VSNL1: variants seen among roughly 807,000 people sequenced by gnomAD.
VSNL1 encodes the protein visinin-like protein 1.
A neutral mutation model predicts 20.4 loss-of-function variants in VSNL1; 6 were observed. That is an observed-to-expected ratio of 0.29 (90% CI 0.16 to 0.58). The LOEUF is 0.58. Among genes scored for constraint, VSNL1 ranks in the 20% least tolerant of loss-of-function variants. VSNL1 has a pLI of 0.90. For synonymous variants in VSNL1, 93 were observed against 86.4 expected (o/e 1.08, Z -0.42); for missense variants, 100 against 234.5 (o/e 0.43, Z 3.75).
intron 1 of VSNL1, among the ~76,000 whole-genome samples, chr2:17,557,847 C>A (rs1185997042): frequency 6.6e-5 from 10 of 152,192 alleles, no homozygotes; most frequent in Admixed American, 6.5e-4. Flanking sequence ...AAGAAATTTA[C>A]AAGCACCTGT....
At chr2:17,607,934 A>T (rs1468224487) in intron 2 of VSNL1, among the ~76,000 whole-genome samples, 1 of 152,270 alleles carries the variant, frequency 6.6e-6, no homozygotes, top group Non-Finnish European at 1.5e-5. Flanking sequence ...ACAGAATAAC[A>T]TAACATCCCC....
At chr2:17,543,450 G>C (rs1663338500) in intron 1 of VSNL1, among the ~76,000 whole-genome samples, 1 of 152,186 alleles carries the variant, frequency 6.6e-6, no homozygotes, top group Non-Finnish European at 1.5e-5. Flanking sequence ...CAGAGATTAG[G>C]ACTTCGTGGA....
chr2:17,555,331 T>C (rs964612967), intron 1 of VSNL1, among the ~76,000 whole-genome samples: 9 of 152,024 alleles, frequency 5.9e-5, no homozygotes, highest in African/African-American at 1.9e-4. Context: ...TGCCCAAAAG[T>C]CCATTATTTT....
chr2:17,615,226 C>T (rs927768617), intron 2 of VSNL1, among the ~76,000 whole-genome samples: 11 of 152,206 alleles, frequency 7.2e-5, no homozygotes, highest in Admixed American at 5.2e-4. Context: ...CTCTTCATAG[C>T]GTTTACTTCC....
At chr2:17,637,704 C>T (rs1361709454) in intron 2 of VSNL1, among the ~76,000 whole-genome samples, 1 of 152,212 alleles carries the variant, frequency 6.6e-6, no homozygotes, top group Non-Finnish European at 1.5e-5. Context: ...CAACCCAAAC[C>T]TGCTGAAGCA....
chr2:17,596,315 C>A (rs750477140), intron 2 of VSNL1, among the ~76,000 whole-genome samples: 1 of 152,182 alleles, frequency 6.6e-6, no homozygotes, highest in African/African-American at 2.4e-5. Flanking sequence ...GGGAAGAAAG[C>A]GTTTGAATTT....
intron 2 of VSNL1, among the ~76,000 whole-genome samples, chr2:17,631,736 AGC>A (rs1390330484): frequency 2.6e-5 from 4 of 152,260 alleles, no homozygotes; most frequent in Admixed American, 2.6e-4. Flanking sequence ...ATATATTTAA[AGC>A]CAGTGACCTA....
chr2:17,587,540 C>T (rs114659981), intron 1 of VSNL1, among the ~76,000 whole-genome samples: 1,530 of 152,272 alleles, frequency 0.01, 12 homozygotes, highest in Non-Finnish European at 0.015. Context: ...AATCCTCTGC[C>T]TCTTCTGCTC....
intron 1 of VSNL1, among the ~76,000 whole-genome samples, chr2:17,569,359 T>TA (rs1408696561): frequency 7.9e-5 from 12 of 151,214 alleles, no homozygotes; most frequent in Non-Finnish European, 3.0e-5. Context: ...AATTAAAAAT[T>TA]AAAAAAAATA....
At chr2:17,645,133 A>T (rs1395836968) in intron 2 of VSNL1, among the ~76,000 whole-genome samples, 1 of 152,246 alleles carries the variant, frequency 6.6e-6, no homozygotes, top group Non-Finnish European at 1.5e-5. Context: ...AATGGGCAGA[A>T]ATCTATTCTG....
rs555104782 is a variant in VSNL1 at position 17,581,112 on chromosome 2, T to C, written c.-5-10958T>C. 2.0e-5 allele frequency among the ~76,000 whole-genome samples: 3 copies of C among 152,376 alleles called. No homozygotes were observed. In the South Asian group the frequency reaches 6.2e-4, roughly 32 times the overall value. Reference sequence around the variant, plus strand: ...GACTTAACAATTTATTACAATATTATCTCTCCTTTTTTCTTTCATTTTTAT... The same window carrying C: ...GACTTAACAATTTATTACAATATTACCTCTCCTTTTTTCTTTCATTTTTAT... On this transcript the variant is annotated intron_variant, in intron 1 of 3. Coordinates refer to ENST00000295156, the MANE Select transcript of VSNL1 (RefSeq NM_003385.5).
At chr2:17,555,582 C>A (rs1039300870) in intron 1 of VSNL1, among the ~76,000 whole-genome samples, 17 of 152,136 alleles carry the variant, frequency 1.1e-4, no homozygotes, top group Admixed American at 1.1e-3. Context: ...CTTTGAATTT[C>A]TCAAAATTCT....
At chr2:17,588,388 G>A (rs1314933144) in intron 1 of VSNL1, among the ~76,000 whole-genome samples, 1 of 152,170 alleles carries the variant, frequency 6.6e-6, no homozygotes, top group East Asian at 1.9e-4. Context: ...GGAGTAACTA[G>A]GAAGGAAAGG....
At chr2:17,592,609 G>A (rs1220486387) in intron 2 of VSNL1, among the ~76,000 whole-genome samples, 2 of 125,854 alleles carry the variant, frequency 1.6e-5, no homozygotes, top group Admixed American at 1.7e-4. Flanking sequence ...TAAAGAAAAA[G>A]TACACAAGAG....
chr2:17,619,071 C>T (rs191264157), intron 2 of VSNL1, among the ~76,000 whole-genome samples: 152 of 152,294 alleles, frequency 1.0e-3, no homozygotes, highest in Non-Finnish European at 1.3e-3. Context: ...GTGTGCCACA[C>T]GGCAGGGGCT....
At chr2:17,579,371 T>C (rs1441366794) in intron 1 of VSNL1, among the ~76,000 whole-genome samples, 1 of 152,144 alleles carries the variant, frequency 6.6e-6, no homozygotes, top group Admixed American at 6.5e-5. Flanking sequence ...CGCCTCGGCC[T>C]CCCAAAGTGC....
At chr2:17,559,731 G>A (rs1045710849) in intron 1 of VSNL1, among the ~76,000 whole-genome samples, 3 of 152,070 alleles carry the variant, frequency 2.0e-5, no homozygotes, top group African/African-American at 4.8e-5. Context: ...ATCTAGCAAT[G>A]AGCCAGTTTT....
rs1168816718 is a variant in VSNL1 at position 17,655,732 on chromosome 2, C to T, written c.*338C>T. 4.2e-6 allele frequency: 1 copy of T among 239,866 alleles called. No individual in the cohort carries two copies. The highest frequency in any genetic ancestry group is 8.3e-6 in the Non-Finnish European group (1 of 120,044). 14.9% of individuals were successfully genotyped at this position (239,866 alleles called of 1,614,324 possible). A position where few individuals can be genotyped will look rare whatever the true frequency, so the allele number is the denominator to read the frequency against. ...ACTTCTTGTTCATGTTTTGCTAATG[C>T]TCGTATCTCCTTGATTACATAATGT... On this transcript the variant is annotated 3_prime_UTR_variant, in exon 4 of 4. Transcript: ENST00000295156. This position sits in a 1 kb window ranked among gnomAD's most constrained non-coding sequence, Gnocchi z 5.2.
At chr2:17,578,778 G>A (rs564946731) in intron 1 of VSNL1, among the ~76,000 whole-genome samples, 5 of 152,248 alleles carry the variant, frequency 3.3e-5, no homozygotes, top group Non-Finnish European at 7.3e-5. Flanking sequence ...CTTTGTTCCA[G>A]CCTTGCTGGA....
Sources: allele counts gnomAD v4.1 joint callset (sites outside exome capture counted in the v4.1 genomes callset), GRCh38; gene constraint gnomAD v4.1.1; non-coding constraint Gnocchi (gnomAD v3.1); transcripts MANE v1.5; gene names NCBI Gene and HGNC (gene_info 2026-07-23, HGNC 2026-07-21).